Variants in ANTXRL observed in about 807,000 individuals in gnomAD.
ANTXRL encodes anthrax toxin receptor-like.
Under a neutral mutation model 75.4 loss-of-function variants are expected in ANTXRL, and 63 were observed. That is an observed-to-expected ratio of 0.84 (90% confidence interval 0.68 to 1.03). ANTXRL has a LOEUF of 1.03. Among genes scored for constraint, ANTXRL ranks in the 50% least tolerant of loss-of-function variants. The pLI, the probability that ANTXRL is intolerant of heterozygous loss-of-function variation, is 0.00. For synonymous variants in ANTXRL, 335 were observed against 291.3 expected (o/e 1.15, Z -1.53); for missense variants, 797 against 789.4 (o/e 1.01, Z -0.12).
At chr10:46,308,031 G>A (rs557155305) in intron 12 of ANTXRL, among the ~76,000 whole-genome samples, 2 of 152,284 alleles carry the variant, frequency 1.3e-5, no homozygotes, top group South Asian at 2.1e-4. Flanking sequence ...TGCCCCAGGT[G>A]CCTGCTCTTC....
Position 46,329,863 on chromosome 10 carries a change from C to T in ANTXRL, c.1675C>T (p.His559Tyr). ...APCSPRICLR[H>Y]SPEYFSQAQT... The stretch of plus-strand genomic sequence containing the variant: ...CTGCAGCCCAAGGATCTGCCTGAGA[C>T]ACAGCCCGGAGTACTTTTCCCAAGC... The change falls in exon 17 of 17, where the codon CAC becomes TAC. Residue 559 changes from histidine (H) to tyrosine (Y), a missense_variant. By Grantham distance (83) the His-to-Tyr change is moderately conservative. Transcript: ENST00000620264. 1 of 1,535,358 alleles carries T rather than the reference C, an allele frequency of 6.5e-7. No homozygotes were observed. The highest frequency in any genetic ancestry group is 2.0e-5 in the Admixed American group (1 of 50,832).
chr10:46,306,900 G>T, intron 11 of ANTXRL, 28 bp downstream of exon 11: 1 of 1,504,730 alleles, frequency 6.6e-7, no homozygotes, highest in South Asian at 1.3e-5. Flanking sequence ...GAGGCTAGAG[G>T]GCAAGAGACC....
At chr10:46,298,108 G>T (rs571894784) in intron 9 of ANTXRL, 46 bp downstream of exon 9, 342,338 of 1,055,664 alleles carry the variant, frequency 0.32, 55,658 homozygotes, top group Admixed American at 0.38. Context: ...TGGTGTGCAT[G>T]AGTGCATGCG....
intron 1 of ANTXRL, among the ~76,000 whole-genome samples, chr10:46,287,808 T>C (rs2132627132): frequency 6.6e-6 from 1 of 152,300 alleles, no homozygotes; most frequent in East Asian, 1.9e-4. Flanking sequence ...CTGCAACAGA[T>C]GATTGCTCGG....
intron 12 of ANTXRL, chr10:46,308,652 A>T (rs1252728049): frequency 2.9e-6 from 1 of 348,950 alleles, no homozygotes; most frequent in Non-Finnish European, 5.7e-6. Context: ...AGGGCGGCTC[A>T]TTCCCTTTGC....
intron 3 of ANTXRL, chr10:46,294,227 G>A (rs1309076732): frequency 3.2e-5 from 12 of 380,688 alleles, no homozygotes; most frequent in Non-Finnish European, 4.9e-5. Flanking sequence ...GCAGGGCGGG[G>A]GTGTGTGTCC....
At chr10:46,317,230 C>T (rs1838776371) in intron 16 of ANTXRL, among the ~76,000 whole-genome samples, 1 of 152,114 alleles carries the variant, frequency 6.6e-6, no homozygotes, top group Admixed American at 6.5e-5. Context: ...TTACTAATAT[C>T]AATTAATCTA....
At chr10:46,309,732 C>G (rs1196734378) in intron 13 of ANTXRL, among the ~76,000 whole-genome samples, 1 of 152,110 alleles carries the variant, frequency 6.6e-6, no homozygotes, top group Non-Finnish European at 1.5e-5. Context: ...CCAGCTTCCC[C>G]TGGGCCCCAT....
At chr10:46,302,041 C>T (rs577584649) in intron 9 of ANTXRL, among the ~76,000 whole-genome samples, 1 of 152,280 alleles carries the variant, frequency 6.6e-6, no homozygotes, top group East Asian at 1.9e-4. Flanking sequence ...GGATGGGTGC[C>T]CTGTGGTCCT....
In ANTXRL at chr10:46,311,634, G is replaced by A. The variant is rs1469380695; in HGVS notation, c.1298G>A (p.Cys433Tyr). The change falls in exon 15 of 17, where the codon TGC becomes TAC. Residue 433 changes from cysteine (C) to tyrosine (Y), a missense_variant. Transcript: ENST00000620264. ...CPTVIICCCG[C>Y]QGVGGMRRIE... ...ACTGTGATTATTTGTTGCTGTGGAT[G>A]CCAAGGAGTGGGCGGGATGAGAAGG... is the stretch of plus-strand genomic sequence containing the variant. 7 of 1,250,840 alleles carry A rather than the reference G, an allele frequency of 5.6e-6. No homozygotes were observed. The African/African-American group carries it at 5.9e-5, about 11-fold the overall frequency. 77.5% of individuals were successfully genotyped at this position (1,250,840 alleles called of 1,614,324 possible).
In ANTXRL at chr10:46,329,822, C is replaced by T; in HGVS notation, c.1634C>T (p.Ala545Val). ...AGCCAACACAGCAGGGAGTGCCTTG[C>T]CCGCAAACAGGCTCCCTGCAGCCCA... The part of the protein sequence containing the change: ...RHSQHSRECL[A>V]RKQAPCSPRI... The change falls in exon 17 of 17, where the codon GCC becomes GTC. Residue 545 changes from alanine (A) to valine (V), a missense_variant. By Grantham distance (64) the Ala-to-Val change is moderately conservative. Transcript: ENST00000620264. The T allele has an allele frequency of 6.5e-7, 1 of 1,533,826 alleles. No homozygotes were observed. The highest frequency in any genetic ancestry group is 8.7e-7 in the Non-Finnish European group (1 of 1,145,878).
At chr10:46,324,946 A>G (rs918426930) in intron 16 of ANTXRL, among the ~76,000 whole-genome samples, 1 of 152,132 alleles carries the variant, frequency 6.6e-6, no homozygotes, top group Non-Finnish European at 1.5e-5. Flanking sequence ...CAAGTTGATT[A>G]GGCGGGTTCA....
rs78043315 is a variant in ANTXRL, at chr10:46,306,712, C to G, written c.896-91C>G. 4.5e-3 allele frequency: 5,194 copies of G among 1,155,042 alleles called. 327 individuals carry two copies. In the East Asian group the frequency reaches 0.11, roughly 25 times the overall value. The allele number at this position is 1,155,042 out of a possible 1,614,324, so 71.5% of individuals were successfully genotyped here. A position where few individuals can be genotyped will look rare whatever the true frequency, so the allele number is the denominator to read the frequency against. On this transcript the variant is annotated intron_variant, in intron 10 of 16. Coordinates refer to ENST00000620264, the MANE Select transcript of ANTXRL (RefSeq NM_001278688.3). Reference sequence around the variant, plus strand: ...GAGCCCACATGCCGGTCCTGGGCCACAGGGTCAGCCCTGCATGCTGAGGAC... The same window carrying G: ...GAGCCCACATGCCGGTCCTGGGCCAGAGGGTCAGCCCTGCATGCTGAGGAC...
chr10:46,297,536 G>T, intron 7 of ANTXRL, 62 bp downstream of exon 7: 2 of 1,495,988 alleles, frequency 1.3e-6, no homozygotes, highest in Non-Finnish European at 1.8e-6. Flanking sequence ...CGAGCCAACC[G>T]TCCCGGGCCA....
chr10:46,304,554 GTT>G (rs1837956703), intron 10 of ANTXRL, among the ~76,000 whole-genome samples: 2 of 152,020 alleles, frequency 1.3e-5, no homozygotes, highest in African/African-American at 4.8e-5. Flanking sequence ...CAAGGTTGTG[GTT>G]TTTGCAAAGT....
At chr10:46,325,877 C>T (rs1839187649) in intron 16 of ANTXRL, among the ~76,000 whole-genome samples, 2 of 152,058 alleles carry the variant, frequency 1.3e-5, no homozygotes, top group South Asian at 4.1e-4. Flanking sequence ...CTGCTGCCAT[C>T]CATTTCTTAG....
At chr10:46,287,569 C>T in intron 1 of ANTXRL, 59 bp downstream of exon 1, 1 of 1,492,274 alleles carries the variant, frequency 6.7e-7, no homozygotes, top group Admixed American at 2.2e-5. Context: ...GTCTCTTTTT[C>T]ACTAGGGACA....
rs782761950 is a variant in ANTXRL at position 46,287,162 on chromosome 10, G to A, written c.-101G>A. ...AGGGCAGGAGGAGGGGTGTGGCCCC[G>A]GGCATAAGGGGAGGCGGCAAAGAAG... On this transcript the variant is annotated 5_prime_UTR_variant, in exon 1 of 17. Coordinates refer to ENST00000620264, the MANE Select transcript of ANTXRL (RefSeq NM_001278688.3). 79 of 1,426,300 alleles carry A rather than the reference G, an allele frequency of 5.5e-5. No homozygotes were observed. The highest frequency in any genetic ancestry group is 1.4e-4 in the African/African-American group (10 of 69,614). The allele number at this position is 1,426,300 out of a possible 1,614,324, so 88.4% of individuals were successfully genotyped here.
Position 46,296,114 on chromosome 10 carries a change from G to C in ANTXRL, c.474+14G>C. On this transcript the variant is annotated intron_variant, in intron 4 of 16. Coordinates refer to ENST00000620264, the MANE Select transcript of ANTXRL (RefSeq NM_001278688.3). ...GGATTTAGAAAGGTATAGACCCCTT[G>C]ATCTCCTAACCCTAACCCTAACCCT... 7.8e-6 allele frequency: 12 copies of C among 1,532,952 alleles called. No individual in the cohort carries two copies. The highest frequency in any genetic ancestry group is 1.0e-5 in the Non-Finnish European group (12 of 1,146,516). 95.0% of individuals were successfully genotyped at this position (1,532,952 alleles called of 1,614,324 possible).
Sources: allele counts gnomAD v4.1 joint callset (sites outside exome capture counted in the v4.1 genomes callset), GRCh38; gene constraint gnomAD v4.1.1; transcripts MANE v1.5; gene names NCBI Gene and HGNC (gene_info 2026-07-23, HGNC 2026-07-21).